CAND1: variants seen among roughly 807,000 people sequenced by gnomAD.
CAND1 encodes the protein cullin-associated NEDD8-dissociated protein 1.
CAND1 carries 7 observed loss-of-function variants against 108.5 expected under a neutral mutation model. That is an observed-to-expected ratio of 0.06 (90% CI 0.04 to 0.12). CAND1 has a LOEUF of 0.12. Ranked by LOEUF, CAND1 falls within the 10% of genes least tolerant of loss-of-function variation. The pLI is 1.00. For missense variants in CAND1, 941 were observed against 1,448.7 expected (o/e 0.65, Z 5.69); for synonymous variants, 534 against 512.0 (o/e 1.04, Z -0.58).
In CAND1 at chr12:67,305,300, A is replaced by G. The variant is rs1020103079; in HGVS notation, c.1632A>G (p.Gln544=). ...KITSEALLVT[Q]QLVKVIRPLD... is the part of the protein sequence containing the mutation. ...CATCTGAAGCACTTCTTGTTACTCA[A>G]CAGCTTGTCAAAGTAATTCGTCCTT... Residue 544 remains glutamine, a synonymous_variant, in exon 10 of 15, where the codon CAA becomes CAG. Coordinates refer to ENST00000545606, the MANE Select transcript of CAND1 (RefSeq NM_018448.5). This position sits in a 1 kb window ranked among gnomAD's most constrained non-coding sequence, Gnocchi z 4.4. 2 of 1,614,152 alleles carry G rather than the reference A, an allele frequency of 1.2e-6. No homozygotes were observed. Among genetic ancestry groups the G allele is most frequent in the Non-Finnish European group, 1.7e-6 (2 of 1,180,022 alleles).
intron 11 of CAND1, among the ~76,000 whole-genome samples, chr12:67,308,108 A>G (rs1490283003): frequency 1.3e-5 from 2 of 152,026 alleles, no homozygotes; most frequent in African/African-American, 4.8e-5. Context: ...TGGTTTTCCT[A>G]GAGTTTGATA....
chr12:67,283,202 T>A (rs1336509137), intron 2 of CAND1, among the ~76,000 whole-genome samples: 1 of 152,232 alleles, frequency 6.6e-6, no homozygotes, highest in East Asian at 1.9e-4. Context: ...ATATGAGAAC[T>A]AATTTGTCAG....
intron 6 of CAND1, among the ~76,000 whole-genome samples, chr12:67,298,282 G>A (rs1437565102): frequency 6.6e-6 from 1 of 152,128 alleles, no homozygotes; most frequent in Non-Finnish European, 1.5e-5. Flanking sequence ...TTTTTTAAAA[G>A]CTTAGTAAAA....
chr12:67,271,577 CAT>C (rs1260930325), intron 1 of CAND1, among the ~76,000 whole-genome samples: 1 of 152,158 alleles, frequency 6.6e-6, no homozygotes, highest in Non-Finnish European at 1.5e-5. Flanking sequence ...AGAAAGATAA[CAT>C]GTACATACCT....
chr12:67,290,096 A>G (rs1392654476), intron 2 of CAND1, among the ~76,000 whole-genome samples: 3 of 152,194 alleles, frequency 2.0e-5, no homozygotes, highest in Non-Finnish European at 4.4e-5. Flanking sequence ...TGCCTTTTGT[A>G]TAAAGCAGTT....
At chr12:67,285,158 C>T (rs2044658493) in intron 2 of CAND1, among the ~76,000 whole-genome samples, 1 of 152,090 alleles carries the variant, frequency 6.6e-6, no homozygotes, top group Non-Finnish European at 1.5e-5. Context: ...GTAAATGTAA[C>T]AAGAAATGTT....
At chr12:67,281,271 G>A (rs1250953726) in intron 1 of CAND1, among the ~76,000 whole-genome samples, 7 of 151,684 alleles carry the variant, frequency 4.6e-5, no homozygotes, top group East Asian at 1.9e-4. Flanking sequence ...CGGAGGTTGC[G>A]GTGAGCCGAG....
chr12:67,274,047 C>T lies in CAND1; in HGVS notation c.68+4262C>T, dbSNP rs118065693. On this transcript the variant is annotated intron_variant, in intron 1 of 14. Coordinates refer to ENST00000545606, the MANE Select transcript of CAND1 (RefSeq NM_018448.5). Reference sequence around the variant, plus strand: ...GGGACTTATAGGATCTCTTTACCCCCAGAACATGAACTCTTGACCACCCAG... The same window carrying T: ...GGGACTTATAGGATCTCTTTACCCCTAGAACATGAACTCTTGACCACCCAG... 2.5e-3 allele frequency among the ~76,000 whole-genome samples: 388 copies of T among 152,248 alleles called. 7 individuals carry two copies. In the East Asian group the frequency reaches 0.031, roughly 12 times the overall value.
At position 67,269,696 on chromosome 12, in the gene CAND1, A is replaced by G. The variant is rs2135984341; in HGVS notation, c.-22A>G. 1 of 1,593,764 alleles carries G rather than the reference A, an allele frequency of 6.3e-7. No individual in the cohort carries two copies. Among genetic ancestry groups the G allele is most frequent in the South Asian group, 1.1e-5 (1 of 88,624 alleles). On this transcript the variant is annotated 5_prime_UTR_variant, in exon 1 of 15. Transcript: ENST00000545606. ...GGGCAGCAGCTCCAGCAGCGCCAGCAGGCGGGATCGAGGCCGTCAACATGG... is the reference window on the plus strand; with the variant it reads ...GGGCAGCAGCTCCAGCAGCGCCAGCGGGCGGGATCGAGGCCGTCAACATGG...
chr12:67,285,819 A>G (rs1468899305), intron 2 of CAND1, among the ~76,000 whole-genome samples: 1 of 152,196 alleles, frequency 6.6e-6, no homozygotes, highest in Admixed American at 6.5e-5. Flanking sequence ...TTTTGCTCTC[A>G]TAACACCACA....
intron 4 of CAND1, among the ~76,000 whole-genome samples, chr12:67,296,235 G>A (rs1465729381): frequency 6.6e-6 from 1 of 151,994 alleles, no homozygotes; most frequent in Non-Finnish European, 1.5e-5. Flanking sequence ...ACAGGTTTGG[G>A]TAGTAGTGAC....
rs1055029115 is a variant in CAND1 at position 67,319,210 on chromosome 12, C to G, written c.*6380C>G. 2.0e-5 allele frequency: 3 copies of G among 152,222 alleles called. No homozygotes were observed. The highest frequency in any genetic ancestry group is 7.2e-5 in the African/African-American group (3 of 41,448). The allele number at this position is 152,222 out of a possible 1,614,324, so 9.4% of individuals were successfully genotyped here. A position where few individuals can be genotyped will look rare whatever the true frequency, so the allele number is the denominator to read the frequency against. ...ATCTTTGCACTACATCCTTCACTGT[C>G]TCTCTTTTGCCCATAGGATAAGTAC... On this transcript the variant is annotated 3_prime_UTR_variant, in exon 15 of 15. Coordinates refer to ENST00000545606, the MANE Select transcript of CAND1 (RefSeq NM_018448.5).
chr12:67,270,894 G>A (rs2044515312), intron 1 of CAND1: 1 of 152,020 alleles, frequency 6.6e-6, no homozygotes, highest in Admixed American at 6.6e-5. Flanking sequence ...AACTAAAATT[G>A]TGACTAAAGA....
In CAND1 at chr12:67,317,852, A is replaced by G. The variant is rs917685167; in HGVS notation, c.*5022A>G. 6.6e-6 allele frequency: 1 copy of G among 152,288 alleles called. No individual in the cohort carries two copies. Among genetic ancestry groups the G allele is most frequent in the South Asian group, 2.1e-4 (1 of 4,832 alleles). The allele number at this position is 152,288 out of a possible 1,614,324, so 9.4% of individuals were successfully genotyped here. ...AGACTATTATATCCAACCACCTGCT[A>G]TACATCTCATAAAGGTATCTCAAAC... is the stretch of plus-strand genomic sequence containing the variant. On this transcript the variant is annotated 3_prime_UTR_variant, in exon 15 of 15. Coordinates refer to ENST00000545606, the MANE Select transcript of CAND1 (RefSeq NM_018448.5).
intron 10 of CAND1, 150 bp from the exon 11 acceptor site, chr12:67,307,247 G>T: frequency 1.7e-6 from 1 of 597,230 alleles, no homozygotes. Context: ...TGCTCCTTTG[G>T]ATTCATGTGT....
chr12:67,285,837 C>A (rs1405491458), intron 2 of CAND1, among the ~76,000 whole-genome samples: 2 of 152,074 alleles, frequency 1.3e-5, no homozygotes, highest in Non-Finnish European at 2.9e-5. Context: ...ACAAGTTCAT[C>A]CATGTTGTGT....
Position 67,302,586 on chromosome 12 carries a change from G to A in CAND1, c.1264G>A (p.Glu422Lys). The A allele has an allele frequency of 1.2e-6, 2 of 1,613,416 alleles. No individual in the cohort carries two copies. The change falls in exon 8 of 15, where the codon GAA (glutamate) becomes AAA (lysine). Residue 422 changes from glutamate (E) to lysine (K), a missense_variant. Physicochemically the swap from Glu to Lys is moderately conservative, Grantham distance 56. Coordinates refer to ENST00000545606, the MANE Select transcript of CAND1 (RefSeq NM_018448.5). ...LCDPDAMEQGETPLTMLQSQV... is the reference protein window; with the variant it reads ...LCDPDAMEQGKTPLTMLQSQV... Reference sequence around the variant, plus strand: ...TGACCCTGATGCAATGGAGCAGGGAGAAACACCTTTAACAATGCTTCAGAG... The same window carrying A: ...TGACCCTGATGCAATGGAGCAGGGAAAAACACCTTTAACAATGCTTCAGAG...
chr12:67,307,165 C>T (rs577256572), intron 10 of CAND1, among the ~76,000 whole-genome samples: 1 of 152,216 alleles, frequency 6.6e-6, no homozygotes, highest in East Asian at 1.9e-4. Flanking sequence ...CTTCAAGTCC[C>T]TCCTTCCCAG....
intron 7 of CAND1, among the ~76,000 whole-genome samples, chr12:67,300,451 C>A (rs2044814072): frequency 6.6e-6 from 1 of 152,030 alleles, no homozygotes; most frequent in South Asian, 2.1e-4. Flanking sequence ...TATCTTTTCC[C>A]TGCCCCTTCC....
Sources: gnomAD v4.1 joint callset for allele counts (sites outside exome capture counted in the v4.1 genomes callset) on GRCh38, gnomAD v4.1.1 for gene constraint, Gnocchi (gnomAD v3.1) non-coding constraint, MANE v1.5 for transcripts, NCBI Gene and HGNC (gene_info 2026-07-23, HGNC 2026-07-21) for gene names.